The following PMS2 variants were observed in gnomAD, a reference collection of about 807,000 sequenced individuals.
PMS2 encodes the protein mismatch repair endonuclease PMS2.
PMS2 carries 69 observed loss-of-function variants against 90.0 expected under a neutral mutation model. That is an observed-to-expected ratio of 0.77 (90% confidence interval 0.63 to 0.94). PMS2 has a LOEUF of 0.94. Among genes scored for constraint, PMS2 ranks in the 40% least tolerant of loss-of-function variants. The pLI, the probability that PMS2 is intolerant of heterozygous loss-of-function variation, is 0.00. For missense variants in PMS2, 966 were observed against 1,040.2 expected (o/e 0.93, Z 0.98); for synonymous variants, 332 against 375.1 (o/e 0.89, Z 1.33).
Position 5,989,816 on chromosome 7 carries a change from T to G in PMS2, c.1128A>C (p.Pro376=), listed in dbSNP as rs367774545. The G allele has an allele frequency of 7.5e-5, 121 of 1,612,348 alleles. No individual in the cohort carries two copies. Among genetic ancestry groups the G allele is most frequent in the Non-Finnish European group, 9.9e-5 (117 of 1,178,694 alleles). Reference sequence around the variant, plus strand: ...TTTTCTTACCTTCAACATCCAGCAGTGGCTGCTGACTGACATTTAGCTTGT... The same window carrying G: ...TTTTCTTACCTTCAACATCCAGCAGGGGCTGCTGACTGACATTTAGCTTGT... The part of the protein sequence containing the change: ...DVNKLNVSQQ[P]LLDVEGNLIK... Residue 376 remains proline (P), a synonymous_variant, in exon 10 of 15, where the codon CCA becomes CCC. Transcript: ENST00000265849.
intron 10 of PMS2, 103 bp from the exon 11 acceptor site, chr7:5,987,723 T>C: frequency 1.0e-6 from 1 of 984,232 alleles, no homozygotes; most frequent in African/African-American, 1.6e-5. Context: ...ATCCACATGC[T>C]AATTACACAG....
At chr7:6,002,407 T>A in intron 5 of PMS2, 46 bp downstream of exon 5, 2 of 1,210,222 alleles carry the variant, frequency 1.7e-6, no homozygotes, top group Non-Finnish European at 2.4e-6. Flanking sequence ...CTTTTGCTCA[T>A]GTGCATTAAC....
chr7:5,990,966 T>C (rs1485060266), intron 9 of PMS2, among the ~76,000 whole-genome samples: 3 of 152,098 alleles, frequency 2.0e-5, no homozygotes, highest in African/African-American at 7.2e-5. Flanking sequence ...AGTGAGCTGA[T>C]ATTACACCAC....
In PMS2 at chr7:5,982,690, A is replaced by G. The variant is rs1782419954; in HGVS notation, c.2174+134T>C. 2.3e-6 allele frequency: 3 copies of G among 1,320,144 alleles called. No homozygotes were observed. The Admixed American group carries it at 6.6e-5, about 29-fold the overall frequency. The allele number at this position is 1,320,144 out of a possible 1,614,324, so 81.8% of individuals were successfully genotyped here. A position where few individuals can be genotyped will look rare whatever the true frequency, so the allele number is the denominator to read the frequency against. On this transcript the variant is annotated intron_variant, in intron 12 of 14. Transcript: ENST00000265849. ...CTCCTTCCTAGATCTCTTCTTTTTT[A>G]AAGTAGATACAAGGTCTTGCTGTGT...
At chr7:6,003,388 TA>T in intron 4 of PMS2, 1 of 243,756 alleles carries the variant, frequency 4.1e-6, no homozygotes, top group Non-Finnish European at 7.9e-6. Flanking sequence ...AATGTTTCCC[TA>T]AAAATTGATA....
intron 2 of PMS2, among the ~76,000 whole-genome samples, chr7:6,004,715 C>CAAA (rs71008347): frequency 4.5e-4 from 43 of 96,524 alleles, no homozygotes; most frequent in East Asian, 4.0e-3. Context: ...AACTCTATCT[C>CAAA]AAAAAAAAAA....
At chr7:5,995,211 T>C (rs1003014592) in intron 8 of PMS2, among the ~76,000 whole-genome samples, 1 of 151,982 alleles carries the variant, frequency 6.6e-6, no homozygotes, top group African/African-American at 2.4e-5. Context: ...TTATTTTTTG[T>C]ATTTTAGTAG....
At chr7:5,993,301 G>A (rs975939893) in intron 8 of PMS2, among the ~76,000 whole-genome samples, 2 of 149,120 alleles carry the variant, frequency 1.3e-5, no homozygotes, top group Non-Finnish European at 3.0e-5. Flanking sequence ...AACCTGGGAG[G>A]GAGAGCTTGC....
intron 2 of PMS2, among the ~76,000 whole-genome samples, chr7:6,004,908 T>G (rs1048830284): frequency 6.6e-6 from 1 of 152,086 alleles, no homozygotes; most frequent in Non-Finnish European, 1.5e-5. Context: ...ATTTTATTAT[T>G]CTTTTCTTTT....
rs753748043 is a variant in PMS2, at chr7:5,995,591, C to A, written c.846G>T (p.Arg282Ser). 1 of 1,613,970 alleles carries A rather than the reference C, an allele frequency of 6.2e-7. No individual in the cohort carries two copies. Among genetic ancestry groups the A allele is most frequent in the Non-Finnish European group, 8.5e-7 (1 of 1,179,858 alleles). Reference sequence around the variant, plus strand: ...AGAAAAACTGTCTGTCTGTTGAACTCCTTCCAACTCCATGCGTGCATTGTG... The same window carrying A: ...AGAAAAACTGTCTGTCTGTTGAACTACTTCCAACTCCATGCGTGCATTGTG... ...FISQCTHGVG[R>S]SSTDRQFFFI... The change falls in exon 8 of 15, where the codon AGG (arginine) becomes AGT (serine). Residue 282 changes from arginine (R) to serine (S), a missense_variant. Arg to Ser is a moderately radical substitution (Grantham distance 110, BLOSUM62 -1). Around this residue, in one of 2 missense-constraint regions of PMS2, gnomAD observed 871 missense variants for 802.4 expected, o/e 1.09. Transcript: ENST00000265849.
chr7:5,991,480 T>A (rs1195656031), intron 9 of PMS2, among the ~76,000 whole-genome samples: 2 of 151,274 alleles, frequency 1.3e-5, no homozygotes, highest in East Asian at 3.9e-4. Flanking sequence ...TAAAAAAAAT[T>A]ACATTTTCCT....
At chr7:5,997,622 G>A (rs1784574710) in intron 6 of PMS2, among the ~76,000 whole-genome samples, 199 bp from the exon 7 acceptor site, 1 of 152,056 alleles carries the variant, frequency 6.6e-6, no homozygotes, top group Admixed American at 6.6e-5. Flanking sequence ...ATACCTCACT[G>A]CAATGTCAAA....
chr7:6,003,618 A>C (rs1785351655), intron 4 of PMS2, 72 bp downstream of exon 4: 2 of 835,646 alleles, frequency 2.4e-6, no homozygotes, highest in Non-Finnish European at 4.0e-6. Context: ...ACTGAAAATA[A>C]TAATGATTCC....
chr7:5,978,963 G>A (rs528132874), intron 12 of PMS2, among the ~76,000 whole-genome samples: 9 of 148,956 alleles, frequency 6.0e-5, no homozygotes, highest in Admixed American at 5.3e-4. Flanking sequence ...AGGAGCCCGA[G>A]GCAGGCAGAT....
In PMS2 at chr7:5,977,683, C is replaced by T. The variant is rs143340522; in HGVS notation, c.2350G>A (p.Asp784Asn). ...KNWTFGPQDV[D>N]ELIFMLSDSP... ...TCGCTCAGCATGAAGATCAGTTCAT[C>T]GACGTCCTGGGGTCCGAAGGTCCAG... is the stretch of plus-strand genomic sequence containing the variant. Residue 784 changes from aspartate to asparagine, a missense_variant, in exon 14 of 15, where the codon GAT becomes AAT. By Grantham distance (23) the Asp-to-Asn change is conservative (BLOSUM62 1). Coordinates refer to ENST00000265849, the MANE Select transcript of PMS2 (RefSeq NM_000535.7). 6.2e-4 allele frequency: 992 copies of T among 1,606,010 alleles called. 33 individuals are homozygous for T. In the African/African-American group the frequency reaches 6.6e-3, roughly 11 times the overall value.
At chr7:6,000,993 A>C (rs773252112) in intron 5 of PMS2, among the ~76,000 whole-genome samples, 61 of 151,804 alleles carry the variant, frequency 4.0e-4, no homozygotes, top group Non-Finnish European at 8.2e-4. Flanking sequence ...GACTCCATCT[A>C]AAAAAAAAGA....
chr7:6,007,316 A>T (rs1785906301), intron 1 of PMS2, among the ~76,000 whole-genome samples: 1 of 151,998 alleles, frequency 6.6e-6, no homozygotes, highest in Non-Finnish European at 1.5e-5. Flanking sequence ...GGGTTTCACC[A>T]TGTTGGCCAG....
intron 5 of PMS2, among the ~76,000 whole-genome samples, chr7:6,001,787 C>T (rs897842246): frequency 2.0e-5 from 3 of 151,732 alleles, no homozygotes; most frequent in African/African-American, 7.2e-5. Context: ...AATTCGAGAC[C>T]AGCCTGGCCA....
Position 5,989,901 on chromosome 7 carries a change from T to A in PMS2, c.1043A>T (p.Glu348Val), listed in dbSNP as rs753289423. Residue 348 changes from glutamate (E) to valine (V), a missense_variant, in exon 10 of 15, where the codon GAA becomes GTA. Physicochemically the swap from Glu to Val is moderately radical, Grantham distance 121 (BLOSUM62 -2). Coordinates refer to ENST00000265849, the MANE Select transcript of PMS2 (RefSeq NM_000535.7). ...CTTTAAAACTGCCAACAAAAGCTTT[T>A]CCTCTTGTAGCAAAATTTGCCTTTT... ...PDKRQILLQE[E>V]KLLLAVLKTS... The A allele has an allele frequency of 6.2e-7, 1 of 1,612,168 alleles. No homozygotes were observed. The highest frequency in any genetic ancestry group is 1.1e-5 in the South Asian group (1 of 90,898).
Sources: gnomAD v4.1 joint callset for allele counts (sites outside exome capture counted in the v4.1 genomes callset) on GRCh38, gnomAD v4.1.1 for gene constraint, gnomAD v4.1.1 regional missense constraint, MANE v1.5 for transcripts, NCBI Gene and HGNC (gene_info 2026-07-23, HGNC 2026-07-21) for gene names.